Variants in PTPRD observed in about 807,000 individuals in gnomAD.
The protein encoded by PTPRD is receptor-type tyrosine-protein phosphatase delta.
A neutral mutation model predicts 214.5 loss-of-function variants in PTPRD; 34 were observed. The observed-to-expected ratio is 0.16, with a 90% confidence interval of 0.12 to 0.21. The LOEUF (loss-of-function observed/expected upper bound fraction) is 0.21, where lower values mean the gene tolerates loss of function less well. PTPRD is among the 10% of genes least tolerant of loss of function. The pLI, the probability that PTPRD is intolerant of heterozygous loss-of-function variation, is 1.00. For synonymous variants in PTPRD, 1,128 were observed against 845.7 expected (o/e 1.33, Z -5.79); for missense variants, 2,545 against 2,398.7 (o/e 1.06, Z -1.27).
intron 8 of PTPRD, among the ~76,000 whole-genome samples, chr9:9,546,388 A>G (rs2078818288): frequency 6.6e-6 from 1 of 151,648 alleles, no homozygotes; most frequent in Non-Finnish European, 1.5e-5. Flanking sequence ...TAAATACCAG[A>G]TGTTTCTTTT....
At chr9:10,384,074 C>CAAAAA (rs33977592) in intron 2 of PTPRD, among the ~76,000 whole-genome samples, 3,928 of 104,580 alleles carry the variant, frequency 0.038, 69 homozygotes, top group South Asian at 0.069. Context: ...TTAATGGGTA[C>CAAAAA]AAAAAAAAAA....
intron 14 of PTPRD, among the ~76,000 whole-genome samples, chr9:8,548,806 T>A (rs2081114430): frequency 6.8e-6 from 1 of 146,708 alleles, no homozygotes; most frequent in Non-Finnish European, 1.5e-5. Flanking sequence ...GCAATTCTCC[T>A]GCCTCAGCCT....
chr9:9,169,941 T>C (rs555177390), intron 10 of PTPRD, among the ~76,000 whole-genome samples: 3 of 152,312 alleles, frequency 2.0e-5, no homozygotes, highest in East Asian at 1.9e-4. Context: ...CTGCAAGATT[T>C]GATGGCTCTG....
intron 11 of PTPRD, among the ~76,000 whole-genome samples, chr9:8,791,769 G>C (rs1178130537): frequency 6.6e-6 from 1 of 152,022 alleles, no homozygotes; most frequent in African/African-American, 2.4e-5. Context: ...GACTGGTGAA[G>C]AGAAGTCATT....
intron 2 of PTPRD, among the ~76,000 whole-genome samples, chr9:10,377,247 T>C (rs1332116856): frequency 3.3e-5 from 5 of 152,072 alleles, no homozygotes; most frequent in Admixed American, 2.6e-4. Flanking sequence ...ATTCTTTTTA[T>C]GGATGAATAG....
At chr9:8,551,911 A>G (rs539505754) in intron 14 of PTPRD, among the ~76,000 whole-genome samples, 1 of 152,374 alleles carries the variant, frequency 6.6e-6, no homozygotes, top group South Asian at 2.1e-4. Context: ...AGAATGGACC[A>G]TGTGTTGAAC....
intron 7 of PTPRD, among the ~76,000 whole-genome samples, chr9:9,733,886 GA>G (rs138030786): frequency 0.03 from 4,615 of 152,198 alleles, 112 homozygotes; most frequent in Middle Eastern, 0.11. Context: ...AATATTTGAA[GA>G]AAAAAGACTG....
At chr9:9,595,311 T>TA (rs2093215880) in intron 7 of PTPRD, among the ~76,000 whole-genome samples, 1 of 79,832 alleles carries the variant, frequency 1.3e-5, no homozygotes, top group East Asian at 3.1e-4. Context: ...TATATATATA[T>TA]TATATATATT....
At chr9:10,465,349 A>C (rs967595406) in intron 2 of PTPRD, among the ~76,000 whole-genome samples, 2 of 152,190 alleles carry the variant, frequency 1.3e-5, no homozygotes, top group African/African-American at 4.8e-5. Flanking sequence ...GGTGTTCATA[A>C]CATTTTTTTG....
At chr9:9,594,234 T>C (rs550927899) in intron 7 of PTPRD, among the ~76,000 whole-genome samples, 51 of 152,196 alleles carry the variant, frequency 3.4e-4, no homozygotes, top group Non-Finnish European at 6.0e-4. Context: ...AAGATACACA[T>C]GCCAATTCTA....
At chr9:9,334,259 G>A (rs952009872) in intron 9 of PTPRD, among the ~76,000 whole-genome samples, 2 of 151,852 alleles carry the variant, frequency 1.3e-5, no homozygotes, top group Admixed American at 1.3e-4. Flanking sequence ...CTACAATTAA[G>A]ATGGCTCATA....
chr9:8,833,845 C>T (rs976007529), intron 11 of PTPRD, among the ~76,000 whole-genome samples: 1 of 150,996 alleles, frequency 6.6e-6, no homozygotes, highest in Non-Finnish European at 1.5e-5. Context: ...TGGTTTCCAC[C>T]TCTCTTTAAA....
chr9:9,648,556 T>A (rs2096255073), intron 7 of PTPRD, among the ~76,000 whole-genome samples: 3 of 152,220 alleles, frequency 2.0e-5, no homozygotes, highest in Admixed American at 6.5e-5. Flanking sequence ...AGATATTTGA[T>A]GATCACTACA....
At chr9:10,373,494 G>A (rs1048568159) in intron 2 of PTPRD, among the ~76,000 whole-genome samples, 1 of 152,020 alleles carries the variant, frequency 6.6e-6, no homozygotes, top group Non-Finnish European at 1.5e-5. Flanking sequence ...ATCACCTTGT[G>A]AAACAGCATA....
Position 9,426,634 on chromosome 9 carries a change from C to T in PTPRD, c.-236-29152G>A, listed in dbSNP as rs566052894. Among the ~76,000 whole-genome samples the T allele has an allele frequency of 4.9e-4, 75 of 152,288 alleles. 1 individual carries two copies. Among genetic ancestry groups the T allele is most frequent in the Non-Finnish European group, 5.3e-4 (36 of 68,006 alleles). On this transcript the variant is annotated intron_variant, in intron 8 of 45. Coordinates refer to ENST00000381196, the MANE Select transcript of PTPRD (RefSeq NM_002839.4). ...TCAAGTGGGACCCTGACCCCCGAGT[C>T]GCCTAACTGGAAGGCACCTCCCAGT...
chr9:8,930,072 T>C (rs1317912540), intron 11 of PTPRD, among the ~76,000 whole-genome samples: 1 of 151,802 alleles, frequency 6.6e-6, no homozygotes, highest in Non-Finnish European at 1.5e-5. Context: ...TAACTCGTCA[T>C]TTACATTAGG....
chr9:8,331,070 T>C (rs1319925836), intron 44 of PTPRD, among the ~76,000 whole-genome samples: 1 of 150,948 alleles, frequency 6.6e-6, no homozygotes, highest in Non-Finnish European at 1.5e-5. Context: ...AATAATTAAC[T>C]TGAAGGTGCT....
Position 8,640,517 on chromosome 9 carries a change from A to C in PTPRD, c.65-3673T>G, listed in dbSNP as rs189918954. 2.1e-3 allele frequency among the ~76,000 whole-genome samples: 323 copies of C among 151,406 alleles called. 1 individual carries two copies. The highest frequency in any genetic ancestry group is 3.7e-3 in the Non-Finnish European group (248 of 67,848). The stretch of plus-strand genomic sequence containing the variant: ...TTAGGACCTGGAACTATTTTTCTAA[A>C]TCCTACCACTGTATTGATGTGATAT... On this transcript the variant is annotated intron_variant, in intron 12 of 45. Coordinates refer to ENST00000381196, the MANE Select transcript of PTPRD (RefSeq NM_002839.4).
rs752677458 is a variant in PTPRD, at chr9:8,697,417, CTTTTT to C, written c.64+36358_64+36362del. On this transcript the variant is annotated intron_variant, in intron 12 of 45. Transcript: ENST00000381196. ...TTTATTATTTATTTATTTTTATGTA[CTTTTT>C]TTTTTTTTTTTTTTTTTTGAGACAG... Among the ~76,000 whole-genome samples the C allele has an allele frequency of 9.8e-3, 620 of 63,230 alleles. 2 individuals carry two copies. The highest frequency in any genetic ancestry group is 0.033 in the Middle Eastern group (2 of 60). The allele number at this position is 63,230 out of a possible 152,430, so 41.5% of individuals were successfully genotyped here.
Sources: gnomAD v4.1 joint callset for allele counts (sites outside exome capture counted in the v4.1 genomes callset) on GRCh38, gnomAD v4.1.1 for gene constraint, MANE v1.5 for transcripts, NCBI Gene and HGNC (gene_info 2026-07-23, HGNC 2026-07-21) for gene names.